PREP: variants seen among roughly 807,000 people sequenced by gnomAD.
PREP encodes the protein prolyl endopeptidase.
A neutral mutation model predicts 87.6 loss-of-function variants in PREP; 29 were observed. The ratio of observed to expected loss-of-function variants is 0.33; its 90% CI spans 0.25 to 0.45. The LOEUF (loss-of-function observed/expected upper bound fraction) is 0.45, where lower values mean the gene tolerates loss of function less well. PREP is among the 20% of genes least tolerant of loss of function. The probability of loss-of-function intolerance (pLI) is 1.00; values close to 1 mark genes in which losing one functional copy is unlikely to be tolerated. For synonymous variants in PREP, 337 were observed against 328.6 expected, an observed-to-expected ratio of 1.03 and a Z score of -0.28; for missense variants, 695 against 886.5, an observed-to-expected ratio of 0.78 and a Z score of 2.74.
intron 6 of PREP, among the ~76,000 whole-genome samples, chr6:105,357,346 A>G (rs1772125975): frequency 6.6e-6 from 1 of 152,196 alleles, no homozygotes; most frequent in Non-Finnish European, 1.5e-5. Flanking sequence ...AACCACACCA[A>G]ACCTTTGATG....
At chr6:105,360,475 A>C in intron 6 of PREP, among the ~76,000 whole-genome samples, 1 of 151,962 alleles carries the variant, frequency 6.6e-6, no homozygotes, top group Admixed American at 6.5e-5. Context: ...AAGGTAGGAC[A>C]TAAGGTATGG....
At chr6:105,345,956 T>C (rs1771785912) in intron 7 of PREP, among the ~76,000 whole-genome samples, 1 of 152,222 alleles carries the variant, frequency 6.6e-6, no homozygotes, top group East Asian at 1.9e-4. Context: ...GTGACAAAAG[T>C]AAACCGAACA....
At chr6:105,341,690 A>G (rs1459793534) in intron 7 of PREP, among the ~76,000 whole-genome samples, 1 of 152,242 alleles carries the variant, frequency 6.6e-6, no homozygotes. Flanking sequence ...GATGCAATAA[A>G]AAATGATAAA....
At chr6:105,385,650 A>G (rs1296676510) in intron 2 of PREP, among the ~76,000 whole-genome samples, 1 of 152,238 alleles carries the variant, frequency 6.6e-6, no homozygotes, top group Non-Finnish European at 1.5e-5. Flanking sequence ...ATCAAAAACC[A>G]TAATTTCCAT....
chr6:105,354,031 C>CA (rs1772028112), intron 6 of PREP, among the ~76,000 whole-genome samples: 1 of 152,026 alleles, frequency 6.6e-6, no homozygotes, highest in African/African-American at 2.4e-5. Context: ...TTTGAGTTGA[C>CA]AAAAAATGTG....
intron 2 of PREP, among the ~76,000 whole-genome samples, chr6:105,392,876 C>T (rs962815712): frequency 2.0e-5 from 3 of 152,180 alleles, no homozygotes; most frequent in African/African-American, 7.2e-5. Context: ...CGCAGCCGGC[C>T]CCATGCTGAC....
At chr6:105,351,792 C>G (rs1389143419) in intron 7 of PREP, among the ~76,000 whole-genome samples, 1 of 152,126 alleles carries the variant, frequency 6.6e-6, no homozygotes, top group Non-Finnish European at 1.5e-5. Context: ...GTGGTTTGCC[C>G]TGACAGAGAA....
intron 8 of PREP, among the ~76,000 whole-genome samples, chr6:105,329,971 T>C (rs12195325): frequency 0.072 from 10,888 of 151,582 alleles, 425 homozygotes; most frequent in South Asian, 0.14. Flanking sequence ...TGCAGGAAGA[T>C]AGGCCACTCC....
intron 6 of PREP, among the ~76,000 whole-genome samples, chr6:105,355,228 G>A (rs946539897): frequency 4.0e-5 from 6 of 151,656 alleles, no homozygotes; most frequent in Non-Finnish European, 5.9e-5. Flanking sequence ...TGGGATTACA[G>A]ATGCCTTCCA....
At position 105,373,250 on chromosome 6, in the gene PREP, T is replaced by C. The variant is rs1014539717; in HGVS notation, c.595+119A>G. On this transcript the variant is annotated intron_variant, in intron 5 of 14. Coordinates refer to ENST00000652536, the MANE Select transcript of PREP (RefSeq NM_002726.5). ...GCAAAGCCAACTGATACAACATCCT[T>C]TGAGGAAACATGGTTCTGGACCACA... 16 of 1,110,886 alleles carry C rather than the reference T, an allele frequency of 1.4e-5. No individual in the cohort carries two copies. In the Admixed American group the frequency reaches 3.2e-4, roughly 22 times the overall value. The allele number at this position is 1,110,886 out of a possible 1,614,324, so 68.8% of individuals were successfully genotyped here.
chr6:105,377,311 T>C (rs1206555210), intron 3 of PREP, 75 bp downstream of exon 3: 3 of 1,459,942 alleles, frequency 2.1e-6, no homozygotes, highest in Non-Finnish European at 2.8e-6. Flanking sequence ...ACAAGTTATC[T>C]GGAATTTGTA....
chr6:105,338,383 G>A (rs1771533649), intron 7 of PREP, among the ~76,000 whole-genome samples: 1 of 152,206 alleles, frequency 6.6e-6, no homozygotes, highest in African/African-American at 2.4e-5. Context: ...TAAGCCTGAA[G>A]ATGTGGCACA....
intron 2 of PREP, among the ~76,000 whole-genome samples, chr6:105,389,352 C>T (rs1423948559): frequency 1.3e-5 from 2 of 152,102 alleles, no homozygotes; most frequent in South Asian, 2.1e-4. Context: ...AAACAGAAGA[C>T]CAAAGACTGC....
At chr6:105,368,254 C>A (rs1394770211) in intron 6 of PREP, among the ~76,000 whole-genome samples, 1 of 152,168 alleles carries the variant, frequency 6.6e-6, no homozygotes, top group Non-Finnish European at 1.5e-5. Context: ...AGAAGTATTT[C>A]TTAGTACACA....
intron 12 of PREP, 110 bp downstream of exon 12, chr6:105,285,376 C>A: frequency 9.4e-7 from 1 of 1,066,136 alleles, no homozygotes; most frequent in Non-Finnish European, 1.4e-6. Context: ...TTCGTCTAGC[C>A]AAAAAGCTTT....
intron 10 of PREP, among the ~76,000 whole-genome samples, chr6:105,297,787 T>C (rs912335801): frequency 2.6e-5 from 4 of 152,226 alleles, no homozygotes; most frequent in African/African-American, 4.8e-5. Context: ...GTAAATGAGT[T>C]GTACAATAGA....
chr6:105,358,480 A>G (rs1043639391), intron 6 of PREP, among the ~76,000 whole-genome samples: 1 of 152,238 alleles, frequency 6.6e-6, no homozygotes, highest in Non-Finnish European at 1.5e-5. Flanking sequence ...GAAAAAATCT[A>G]GATGTAGAGA....
intron 2 of PREP, among the ~76,000 whole-genome samples, chr6:105,382,129 T>C (rs1772856556): frequency 6.6e-6 from 1 of 151,916 alleles, no homozygotes; most frequent in Non-Finnish European, 1.5e-5. Context: ...AGTAAAATGG[T>C]GTTTACCAGA....
intron 7 of PREP, among the ~76,000 whole-genome samples, chr6:105,334,067 G>A (rs895332867): frequency 2.6e-4 from 39 of 152,180 alleles, no homozygotes; most frequent in African/African-American, 9.2e-4. Flanking sequence ...TGCCAAGTCT[G>A]AGAATTCTTG....
Sources: gnomAD v4.1 joint callset for allele counts (sites outside exome capture counted in the v4.1 genomes callset) on GRCh38, gnomAD v4.1.1 for gene constraint, MANE v1.5 for transcripts, NCBI Gene and HGNC (gene_info 2026-07-23, HGNC 2026-07-21) for gene names.